RAD51B: variants seen among roughly 807,000 people sequenced by gnomAD.
RAD51B encodes the protein RAD51 paralog B.
RAD51B carries 38 observed loss-of-function variants against 42.2 expected under a neutral mutation model. The observed-to-expected ratio is 0.90, with a 90% CI of 0.70 to 1.18. RAD51B has a LOEUF of 1.18. RAD51B is among the 50% of genes most tolerant of loss of function. The pLI is 0.00. For synonymous variants in RAD51B, 154 were observed against 145.2 expected, an observed-to-expected ratio of 1.06 and a Z score of -0.43; for missense variants, 373 against 400.7, an observed-to-expected ratio of 0.93 and a Z score of 0.59.
At chr14:68,681,566 G>T (rs556999878) in intron 11 of RAD51B, among the ~76,000 whole-genome samples, 1 of 152,308 alleles carries the variant, frequency 6.6e-6, no homozygotes, top group East Asian at 1.9e-4. Context: ...CCTTTTGTCT[G>T]GGTTTGACAA....
intron 7 of RAD51B, among the ~76,000 whole-genome samples, chr14:68,092,001 A>G (rs1490291752): frequency 9.2e-5 from 14 of 152,160 alleles, no homozygotes; most frequent in Admixed American, 7.9e-4. Context: ...CAAAGATCAG[A>G]TAGTTGTAGA....
chr14:68,258,019 T>A (rs2139528334), intron 7 of RAD51B, among the ~76,000 whole-genome samples: 1 of 152,316 alleles, frequency 6.6e-6, no homozygotes, highest in East Asian at 1.9e-4. Flanking sequence ...TTTTTTAATT[T>A]GAATATTCAT....
intron 7 of RAD51B, among the ~76,000 whole-genome samples, chr14:67,912,778 TC>T (rs1300337225): frequency 6.6e-6 from 1 of 151,726 alleles, no homozygotes; most frequent in Admixed American, 6.6e-5. Flanking sequence ...CGATCTCGGC[TC>T]ACTGCAACCT....
At chr14:68,235,142 C>A (rs796323821) in intron 7 of RAD51B, among the ~76,000 whole-genome samples, 28 of 152,042 alleles carry the variant, frequency 1.8e-4, no homozygotes, top group African/African-American at 6.5e-4. Context: ...ATGTGCCGTA[C>A]ATTATTGTAT....
At chr14:68,455,009 T>C (rs910188730) in intron 9 of RAD51B, among the ~76,000 whole-genome samples, 1 of 152,184 alleles carries the variant, frequency 6.6e-6, no homozygotes, top group African/African-American at 2.4e-5. Context: ...AAGTGAAGAA[T>C]GAAACAGAGT....
downstream of RAD51B, among the ~76,000 whole-genome samples, chr14:68,598,977 C>T (rs1006725782): frequency 1.3e-5 from 2 of 152,158 alleles, no homozygotes; most frequent in African/African-American, 4.8e-5. Context: ...GAAAAAAAAT[C>T]CCCAGCAGGG....
chr14:67,913,526 A>T (rs1393259309), intron 7 of RAD51B, among the ~76,000 whole-genome samples: 3 of 152,240 alleles, frequency 2.0e-5, no homozygotes, highest in Non-Finnish European at 2.9e-5. Context: ...TAAAACTTGT[A>T]GTGCCTTAGC....
At chr14:68,513,024 A>G (rs1288637069) in intron 10 of RAD51B, among the ~76,000 whole-genome samples, 2 of 152,094 alleles carry the variant, frequency 1.3e-5, no homozygotes, top group African/African-American at 4.8e-5. Context: ...GAAGCCAGAG[A>G]CTGGAGTAGA....
At chr14:67,891,239 A>G (rs1401503824) in intron 7 of RAD51B, among the ~76,000 whole-genome samples, 1 of 152,140 alleles carries the variant, frequency 6.6e-6, no homozygotes, top group East Asian at 1.9e-4. Flanking sequence ...ATAAATTTGG[A>G]TATATTATTA....
chr14:68,603,278 A>C (rs1392974205), intron 10 of RAD51B, among the ~76,000 whole-genome samples: 1 of 152,186 alleles, frequency 6.6e-6, no homozygotes, highest in Non-Finnish European at 1.5e-5. Context: ...GGCGTCACTT[A>C]TGAAATCATA....
chr14:67,825,400 C>G, intron 2 of RAD51B, 64 bp from the exon 3 acceptor site: 1 of 1,153,070 alleles, frequency 8.7e-7, no homozygotes, highest in South Asian at 1.4e-5. Flanking sequence ...TTGAAGGTTT[C>G]CTTTTAACTC....
rs141842712 is a variant in RAD51B, at chr14:68,588,792, G to A, written c.1037-5693G>A. 2.3e-3 allele frequency among the ~76,000 whole-genome samples: 348 copies of A among 152,226 alleles called. 3 individuals are homozygous for A. Among genetic ancestry groups the A allele is most frequent in the African/African-American group, 7.8e-3 (324 of 41,532 alleles). Reference sequence around the variant, plus strand: ...GTTTTAACCCACTTTTCTTTGTTTGGTGTTGGTGTGTTCTGTCATTACAGT... The same window carrying A: ...GTTTTAACCCACTTTTCTTTGTTTGATGTTGGTGTGTTCTGTCATTACAGT... On this transcript the variant is annotated intron_variant, in intron 10 of 10. Coordinates refer to the RAD51B transcript ENST00000487270.
intron 8 of RAD51B, among the ~76,000 whole-genome samples, chr14:68,370,365 A>G (rs1379486381): frequency 2.6e-5 from 4 of 152,224 alleles, no homozygotes; most frequent in Non-Finnish European, 4.4e-5. Flanking sequence ...AATAATTTTA[A>G]AGTTCCTTTG....
intron 7 of RAD51B, among the ~76,000 whole-genome samples, chr14:67,940,312 G>C (rs1432911512): frequency 6.6e-6 from 1 of 151,224 alleles, no homozygotes; most frequent in African/African-American, 2.4e-5. Flanking sequence ...GACCTCAGGT[G>C]ATCCACCACC....
intron 7 of RAD51B, among the ~76,000 whole-genome samples, chr14:67,949,908 A>G (rs2074411258): frequency 6.6e-6 from 1 of 152,154 alleles, no homozygotes; most frequent in Non-Finnish European, 1.5e-5. Flanking sequence ...ATATTTTGAA[A>G]AGAATCTTTT....
At chr14:68,169,599 C>A (rs1392588894) in intron 7 of RAD51B, among the ~76,000 whole-genome samples, 3 of 152,144 alleles carry the variant, frequency 2.0e-5, no homozygotes, top group African/African-American at 4.8e-5. Context: ...AGTCTGATAT[C>A]TTGTATCACA....
At chr14:68,314,854 C>T (rs1264589155) in intron 8 of RAD51B, among the ~76,000 whole-genome samples, 1 of 152,150 alleles carries the variant, frequency 6.6e-6, no homozygotes, top group Non-Finnish European at 1.5e-5. Context: ...CACCCACTGC[C>T]ACCACCATCC....
At chr14:68,427,567 C>G (rs1434082035) in intron 9 of RAD51B, among the ~76,000 whole-genome samples, 1 of 152,098 alleles carries the variant, frequency 6.6e-6, no homozygotes, top group Non-Finnish European at 1.5e-5. Flanking sequence ...TTATTTCTCC[C>G]TTTTGGAATG....
At chr14:67,986,547 A>G (rs2075197340) in intron 7 of RAD51B, among the ~76,000 whole-genome samples, 1 of 152,138 alleles carries the variant, frequency 6.6e-6, no homozygotes, top group Admixed American at 6.5e-5. Context: ...CCAAAATAGT[A>G]TTTTCATCTG....
Sources: gnomAD v4.1 joint callset for allele counts (sites outside exome capture counted in the v4.1 genomes callset) on GRCh38, gnomAD v4.1.1 for gene constraint, MANE v1.5 for transcripts, NCBI Gene and HGNC (gene_info 2026-07-23, HGNC 2026-07-21) for gene names.